The following ARMH1 variants were observed in gnomAD, a reference collection of about 807,000 sequenced individuals.
ARMH1 encodes the protein armadillo-like helical domain containing protein 1.
ARMH1 carries 34 observed loss-of-function variants against 50.2 expected under a neutral mutation model. The observed-to-expected ratio is 0.68, with a 90% CI of 0.51 to 0.90. ARMH1 has a LOEUF of 0.90. ARMH1 is among the 40% of genes least tolerant of loss of function. The probability of loss-of-function intolerance (pLI) is 0.00; values close to 1 mark genes in which losing one functional copy is unlikely to be tolerated. For synonymous variants in ARMH1, 221 were observed against 224.2 expected (o/e 0.99, Z 0.13); for missense variants, 538 against 553.9 (o/e 0.97, Z 0.29).
chr1:44,697,270 C>A, intron 3 of ARMH1, 100 bp downstream of exon 3: 1 of 923,488 alleles, frequency 1.1e-6, no homozygotes, highest in Non-Finnish European at 1.7e-6. Flanking sequence ...TTCCTGTTAG[C>A]AGTGGGTTCC....
intron 6 of ARMH1, among the ~76,000 whole-genome samples, chr1:44,714,320 T>G (rs1573457097): frequency 6.8e-6 from 1 of 147,102 alleles, no homozygotes; most frequent in African/African-American, 2.5e-5. Flanking sequence ...GCCTGGTGGC[T>G]CATGCCTGTA....
chr1:44,693,444 T>TTTG (rs891652161), intron 2 of ARMH1, among the ~76,000 whole-genome samples: 112 of 152,242 alleles, frequency 7.4e-4, no homozygotes, highest in African/African-American at 2.6e-3. Flanking sequence ...TCATCATGGA[T>TTTG]TTGTTGTTGT....
chr1:44,703,561 A>T (rs1362050653), intron 5 of ARMH1, among the ~76,000 whole-genome samples: 1 of 53,836 alleles, frequency 1.9e-5, no homozygotes, highest in Non-Finnish European at 4.1e-5. Context: ...CGTCTCTACT[A>T]AAAAAAAAAA....
intron 2 of ARMH1, among the ~76,000 whole-genome samples, chr1:44,695,478 G>A (rs1449628335): frequency 6.6e-6 from 1 of 152,186 alleles, no homozygotes; most frequent in Non-Finnish European, 1.5e-5. Flanking sequence ...CCAGAAATAT[G>A]TATAGTGAGT....
intron 5 of ARMH1, among the ~76,000 whole-genome samples, 190 bp downstream of exon 5, chr1:44,701,309 T>C (rs887855934): frequency 3.9e-5 from 6 of 152,284 alleles, no homozygotes; most frequent in Middle Eastern, 6.8e-3. Context: ...AGCAGAGTGA[T>C]TTGTCCTGTT....
chr1:44,721,304 CAAAAG>C (rs1211544557), intron 6 of ARMH1, among the ~76,000 whole-genome samples: 3 of 152,036 alleles, frequency 2.0e-5, no homozygotes, highest in Admixed American at 6.6e-5. Flanking sequence ...CTGATAAAAA[CAAAAG>C]AAAACTATCT....
At chr1:44,722,740 A>C (rs1001421607) in intron 6 of ARMH1, among the ~76,000 whole-genome samples, 1 of 149,526 alleles carries the variant, frequency 6.7e-6, no homozygotes, top group Admixed American at 6.7e-5. Flanking sequence ...TCTCAAAAAA[A>C]CAAACAAACA....
chr1:44,698,369 G>A lies in ARMH1; in HGVS notation c.442+140G>A, dbSNP rs185454588. ...TTGTGCTCCTGTCCATGTCACCACT[G>A]GAAGACCCAGATTTATGATTCTCCT... On this transcript the variant is annotated intron_variant, in intron 4 of 11. Coordinates refer to ENST00000535358, the MANE Select transcript of ARMH1 (RefSeq NM_001145636.2). 4.9e-5 allele frequency: 30 copies of A among 617,404 alleles called. No individual in the cohort carries two copies. In the Admixed American group the frequency reaches 7.0e-4, roughly 14 times the overall value. 38.2% of individuals were successfully genotyped at this position (617,404 alleles called of 1,614,324 possible). A position where few individuals can be genotyped will look rare whatever the true frequency, so the allele number is the denominator to read the frequency against.
chr1:44,697,068 C>T (rs1259836022), intron 2 of ARMH1, 34 bp from the exon 3 acceptor site: 2 of 1,526,512 alleles, frequency 1.3e-6, no homozygotes, highest in Admixed American at 2.0e-5. Context: ...TGTGAAAAAC[C>T]ACCCTGAAAC....
At chr1:44,686,724 T>C (rs1645482512) in intron 1 of ARMH1, among the ~76,000 whole-genome samples, 2 of 151,910 alleles carry the variant, frequency 1.3e-5, no homozygotes, top group African/African-American at 4.8e-5. Context: ...CTCTAAAGTA[T>C]GGGAAATAAT....
chr1:44,683,107 A>C lies in ARMH1; in HGVS notation c.-22-6569A>C, dbSNP rs1455579069. ...AGACAGACTGATCTCAGGGAAATTTAGGACATGTAATTGGCAGGAGCTGGC... is the reference window on the plus strand; with the variant it reads ...AGACAGACTGATCTCAGGGAAATTTCGGACATGTAATTGGCAGGAGCTGGC... On this transcript the variant is annotated intron_variant, in intron 1 of 11. Transcript: ENST00000535358. This position sits in a 1 kb window ranked among gnomAD's most constrained non-coding sequence, Gnocchi z 4.2. Among the ~76,000 whole-genome samples, 1 of 152,226 alleles carries C rather than the reference A, an allele frequency of 6.6e-6. No individual in the cohort carries two copies. The highest frequency in any genetic ancestry group is 1.5e-5 in the Non-Finnish European group (1 of 68,044).
At chr1:44,721,910 T>C (rs1003867924) in intron 6 of ARMH1, 4 of 152,242 alleles carry the variant, frequency 2.6e-5, no homozygotes, top group South Asian at 2.1e-4. Context: ...ATCTGCCTGT[T>C]AGCCTTTTGC....
chr1:44,707,585 A>G (rs888008662), intron 6 of ARMH1, among the ~76,000 whole-genome samples: 1 of 152,152 alleles, frequency 6.6e-6, no homozygotes, highest in African/African-American at 2.4e-5. Flanking sequence ...ACAGCTCACC[A>G]TGCCCAGTTA....
chr1:44,725,027 G>A lies in ARMH1; in HGVS notation c.1129-109G>A, dbSNP rs536311607. The A allele has an allele frequency of 1.8e-4, 272 of 1,523,346 alleles. 4 individuals carry two copies. In the South Asian group the frequency reaches 2.1e-3, roughly 12 times the overall value. The allele number at this position is 1,523,346 out of a possible 1,614,324, so 94.4% of individuals were successfully genotyped here. A position where few individuals can be genotyped will look rare whatever the true frequency, so the allele number is the denominator to read the frequency against. On this transcript the variant is annotated intron_variant, in intron 10 of 11. Transcript: ENST00000535358. Reference sequence around the variant, plus strand: ...TTCCTGTTCCCTTTCCTGCCCTTTCGGTCAGGCTGCCGACCCGCCCCCCAC... The same window carrying A: ...TTCCTGTTCCCTTTCCTGCCCTTTCAGTCAGGCTGCCGACCCGCCCCCCAC...
intron 6 of ARMH1, among the ~76,000 whole-genome samples, chr1:44,713,586 C>T (rs1163079791): frequency 6.6e-6 from 1 of 152,200 alleles, no homozygotes; most frequent in African/African-American, 2.4e-5. Context: ...AGCACTTCAA[C>T]TGTGACACTT....
At chr1:44,706,061 T>G (rs909805213) in intron 6 of ARMH1, among the ~76,000 whole-genome samples, 6 of 152,086 alleles carry the variant, frequency 3.9e-5, no homozygotes, top group African/African-American at 1.2e-4. Context: ...GAATGCCATG[T>G]AGGTAGGTGG....
At chr1:44,700,544 A>G (rs1413752611) in intron 4 of ARMH1, among the ~76,000 whole-genome samples, 3 of 148,530 alleles carry the variant, frequency 2.0e-5, no homozygotes, top group Non-Finnish European at 1.5e-5. Context: ...TGAACCTGGG[A>G]GGCAGAGGTT....
chr1:44,724,726 C>T lies in ARMH1; in HGVS notation c.1051-36C>T. ...GGCGGCGGCACCCGCAGCCCCGTCG[C>T]CCCCGCAGTCACGCCGCCTCGCCCG... On this transcript the variant is annotated intron_variant, in intron 9 of 11. Coordinates refer to ENST00000535358, the MANE Select transcript of ARMH1 (RefSeq NM_001145636.2). This position sits in a 1 kb window ranked among gnomAD's most constrained non-coding sequence, Gnocchi z 6.4. 2.0e-6 allele frequency: 3 copies of T among 1,508,894 alleles called. No individual in the cohort carries two copies. The highest frequency in any genetic ancestry group is 2.6e-6 in the Non-Finnish European group (3 of 1,133,882). 93.5% of individuals were successfully genotyped at this position (1,508,894 alleles called of 1,614,324 possible).
At chr1:44,714,685 T>G (rs115666818) in intron 6 of ARMH1, among the ~76,000 whole-genome samples, 4,544 of 152,194 alleles carry the variant, frequency 0.03, 244 homozygotes, top group African/African-American at 0.1. Context: ...CCTTTTTTCT[T>G]GAGGCAGGGC....
Sources: allele counts gnomAD v4.1 joint callset (sites outside exome capture counted in the v4.1 genomes callset), GRCh38; gene constraint gnomAD v4.1.1; non-coding constraint Gnocchi (gnomAD v3.1); transcripts MANE v1.5; gene names NCBI Gene and HGNC (gene_info 2026-07-23, HGNC 2026-07-21).